Variants in CCSER1 observed in about 807,000 individuals in gnomAD.
CCSER1 encodes the protein serine-rich coiled-coil domain-containing protein 1.
CCSER1 carries 41 observed loss-of-function variants against 82.0 expected under a neutral mutation model. That is an observed-to-expected ratio of 0.50 (90% confidence interval 0.39 to 0.65). The LOEUF (loss-of-function observed/expected upper bound fraction) is 0.65. Among genes scored for constraint, CCSER1 ranks in the 30% least tolerant of loss-of-function variants. CCSER1 has a pLI of 0.00. For missense variants in CCSER1, 1,119 were observed against 1,064.2 expected (o/e 1.05, Z -0.72); for synonymous variants, 414 against 383.9 (o/e 1.08, Z -0.92).
chr4:91,482,950 G>T (rs1055325579), intron 10 of CCSER1, among the ~76,000 whole-genome samples: 3 of 151,998 alleles, frequency 2.0e-5, no homozygotes, highest in Admixed American at 1.3e-4. Flanking sequence ...GTTGTGGGGT[G>T]GGGGGAGCGG....
chr4:90,933,643 TA>T (rs910350109), intron 9 of CCSER1, among the ~76,000 whole-genome samples: 1 of 151,806 alleles, frequency 6.6e-6, no homozygotes, highest in Non-Finnish European at 1.5e-5. Flanking sequence ...CATAAAAATG[TA>T]AAAAAATACT....
At chr4:90,486,987 C>T (rs1767201871) in intron 5 of CCSER1, among the ~76,000 whole-genome samples, 1 of 152,220 alleles carries the variant, frequency 6.6e-6, no homozygotes, top group Admixed American at 6.5e-5. Context: ...TCTCGGCTTA[C>T]TGCAACCCCT....
intron 1 of CCSER1, among the ~76,000 whole-genome samples, chr4:90,146,568 C>T (rs968072966): frequency 4.6e-5 from 7 of 151,900 alleles, no homozygotes; most frequent in African/African-American, 7.3e-5. Context: ...TAATAAAATA[C>T]GGCTGTGAAC....
intron 10 of CCSER1, among the ~76,000 whole-genome samples, chr4:91,305,589 G>A (rs552490237): frequency 2.5e-4 from 38 of 151,662 alleles, no homozygotes; most frequent in Non-Finnish European, 4.4e-4. Flanking sequence ...ATTTATTTTT[G>A]GTCTTCTGCT....
chr4:90,430,094 G>A (rs965075333), intron 4 of CCSER1, among the ~76,000 whole-genome samples: 2 of 151,720 alleles, frequency 1.3e-5, no homozygotes, highest in African/African-American at 4.8e-5. Flanking sequence ...ACAAACAGAG[G>A]AAGAAATACC....
At chr4:91,087,729 A>G (rs747140249) in intron 10 of CCSER1, among the ~76,000 whole-genome samples, 1 of 152,134 alleles carries the variant, frequency 6.6e-6, no homozygotes, top group Non-Finnish European at 1.5e-5. Flanking sequence ...TCTGCACTTG[A>G]CATCTCTAAT....
At chr4:90,803,396 G>A (rs1840308) in intron 7 of CCSER1, among the ~76,000 whole-genome samples, 51,584 of 151,634 alleles carry the variant, frequency 0.34, 8,974 homozygotes, top group East Asian at 0.42. Context: ...GCTGTGTGAT[G>A]TTCCCCTCTC....
intron 6 of CCSER1, among the ~76,000 whole-genome samples, chr4:90,717,761 C>CAT (rs531220263): frequency 6.9e-6 from 1 of 144,718 alleles, no homozygotes; most frequent in Non-Finnish European, 1.5e-5. Context: ...TATATACACA[C>CAT]ATATATAGTG....
chr4:90,421,440 A>AT (rs1756676812), intron 4 of CCSER1, among the ~76,000 whole-genome samples: 1 of 152,140 alleles, frequency 6.6e-6, no homozygotes, highest in Non-Finnish European at 1.5e-5. Flanking sequence ...TGAAGCCATA[A>AT]TAGTGTTAAA....
intron 3 of CCSER1, among the ~76,000 whole-genome samples, chr4:90,375,229 C>T (rs1310549936): frequency 1.3e-5 from 2 of 152,198 alleles, no homozygotes; most frequent in African/African-American, 2.4e-5. Context: ...ATGTTGCTCA[C>T]TAGGTCCTCC....
chr4:91,303,820 A>G (rs1744850078), intron 10 of CCSER1, among the ~76,000 whole-genome samples: 1 of 151,946 alleles, frequency 6.6e-6, no homozygotes, highest in East Asian at 1.9e-4. Flanking sequence ...AACAACAACA[A>G]AACAACAAAA....
intron 10 of CCSER1, among the ~76,000 whole-genome samples, chr4:91,195,287 A>C (rs1735317824): frequency 6.6e-6 from 1 of 152,216 alleles, no homozygotes; most frequent in Admixed American, 6.5e-5. Flanking sequence ...CTCTGCCGAA[A>C]CTTGTAGTCA....
At chr4:90,442,165 A>AG (rs763634969) in intron 4 of CCSER1, among the ~76,000 whole-genome samples, 85 of 152,236 alleles carry the variant, frequency 5.6e-4, no homozygotes, top group Non-Finnish European at 8.5e-4. Flanking sequence ...TCTCACAACG[A>AG]GGGGGGTCAT....
intron 5 of CCSER1, among the ~76,000 whole-genome samples, chr4:90,586,403 A>G (rs565589088): frequency 6.6e-6 from 1 of 152,344 alleles, no homozygotes; most frequent in Admixed American, 6.5e-5. Flanking sequence ...GCTAAAATAT[A>G]ACTGTCAAAG....
chr4:91,134,155 C>A (rs1728251054), intron 10 of CCSER1, among the ~76,000 whole-genome samples: 1 of 152,060 alleles, frequency 6.6e-6, no homozygotes, highest in Non-Finnish European at 1.5e-5. Context: ...AGAATCTTCA[C>A]CCAGAGTTAG....
chr4:90,442,071 C>A (rs1329001001), intron 4 of CCSER1, among the ~76,000 whole-genome samples: 2 of 152,164 alleles, frequency 1.3e-5, no homozygotes, highest in Non-Finnish European at 1.5e-5. Context: ...TGAACACAAT[C>A]AAGAAGAACA....
At chr4:90,483,297 G>A (rs150095280) in intron 5 of CCSER1, among the ~76,000 whole-genome samples, 2 of 152,132 alleles carry the variant, frequency 1.3e-5, no homozygotes, top group Non-Finnish European at 2.9e-5. Flanking sequence ...CCTGAATACA[G>A]CACACTAATG....
intron 10 of CCSER1, among the ~76,000 whole-genome samples, chr4:91,473,750 A>G (rs941954066): frequency 1.4e-4 from 22 of 152,078 alleles, no homozygotes; most frequent in African/African-American, 5.3e-4. Flanking sequence ...TATTTTTACT[A>G]TTAGCATGAG....
chr4:91,179,435 A>G (rs1311683071), intron 10 of CCSER1, among the ~76,000 whole-genome samples: 5 of 152,230 alleles, frequency 3.3e-5, no homozygotes, highest in Non-Finnish European at 1.5e-5. Context: ...ACTTTCAGGT[A>G]CACCAGTCAG....
Sources: gnomAD v4.1 joint callset for allele counts (sites outside exome capture counted in the v4.1 genomes callset) on GRCh38, gnomAD v4.1.1 for gene constraint, MANE v1.5 for transcripts, NCBI Gene and HGNC (gene_info 2026-07-23, HGNC 2026-07-21) for gene names.